Variants in CCDC57 observed in about 807,000 individuals in gnomAD.
The protein encoded by CCDC57 is coiled-coil domain containing 57, also known as coiled-coil domain-containing protein 57.
Under a neutral mutation model 118.9 loss-of-function variants are expected in CCDC57, and 118 were observed. The ratio of observed to expected loss-of-function variants is 0.99; its 90% CI spans 0.86 to 1.16. The LOEUF (loss-of-function observed/expected upper bound fraction) is 1.16. Ranked by LOEUF, CCDC57 falls within the 50% of genes most tolerant of loss-of-function variation. The pLI is 0.00. For synonymous variants in CCDC57, 527 were observed against 532.9 expected (o/e 0.99, Z 0.15); for missense variants, 1,300 against 1,320.7 (o/e 0.98, Z 0.24).
At chr17:82,201,220 A>T (rs957651739) in intron 3 of CCDC57, among the ~76,000 whole-genome samples, 2 of 152,256 alleles carry the variant, frequency 1.3e-5, no homozygotes, top group Non-Finnish European at 2.9e-5. Context: ...AAATTCAAAT[A>T]TGTATTAATA....
chr17:82,126,420 C>T (rs1364695665), intron 19 of CCDC57: 2 of 983,246 alleles, frequency 2.0e-6, no homozygotes, highest in Non-Finnish European at 2.4e-6. Context: ...AAATTGTTGT[C>T]ACCGAAAAGG....
At chr17:82,113,769 C>A in intron 19 of CCDC57, 5 of 660,884 alleles carry the variant, frequency 7.6e-6, no homozygotes, top group Admixed American at 2.4e-5. Flanking sequence ...CCCATTTCTA[C>A]AAAAAAATAA....
intron 9 of CCDC57, among the ~76,000 whole-genome samples, chr17:82,182,168 T>A (rs1263656345): frequency 6.6e-6 from 1 of 152,080 alleles, no homozygotes; most frequent in East Asian, 1.9e-4. Context: ...GTTTTTTTTC[T>A]TCTGCATTAG....
In CCDC57 at chr17:82,172,734, G is replaced by A. The variant is rs1164009694; in HGVS notation, c.1633C>T (p.Leu545=). 1.9e-6 allele frequency: 3 copies of A among 1,601,864 alleles called. No homozygotes were observed. Among genetic ancestry groups the A allele is most frequent in the African/African-American group, 1.3e-5 (1 of 74,788 alleles). The change falls in exon 12 of 20, where the codon CTA becomes TTA. Residue 545 remains leucine, a synonymous_variant. Coordinates refer to ENST00000665763, the Ensembl canonical transcript of CCDC57. This position sits in a 1 kb window ranked among gnomAD's most constrained non-coding sequence, Gnocchi z 5.2. ...ATGGGAGGAGGAATCTGATGGCTTAGAGCCTCCATTTCTTTCCTCATCTGG... is the reference window on the plus strand; with the variant it reads ...ATGGGAGGAGGAATCTGATGGCTTAAAGCCTCCATTTCTTTCCTCATCTGG...
At chr17:82,180,245 A>C (rs2046037457) in intron 9 of CCDC57, among the ~76,000 whole-genome samples, 1 of 152,148 alleles carries the variant, frequency 6.6e-6, no homozygotes, top group Non-Finnish European at 1.5e-5. Context: ...CCACAGCTGG[A>C]GGGACTGAAT....
At chr17:82,140,942 T>A (rs1358048834) in intron 16 of CCDC57, among the ~76,000 whole-genome samples, 1 of 152,164 alleles carries the variant, frequency 6.6e-6, no homozygotes, top group East Asian at 1.9e-4. Context: ...TTGGCTTGGT[T>A]TTCTAGCCTC....
In CCDC57 at chr17:82,201,607, A is replaced by G. The variant is rs780739960; in HGVS notation, c.338T>C (p.Val113Ala). 7 of 1,613,232 alleles carry G rather than the reference A, an allele frequency of 4.3e-6. No individual in the cohort carries two copies. In the Admixed American group the frequency reaches 8.3e-5, roughly 19 times the overall value. ...CTGCTGCTGCTGCTGCAGCTCCTCC[A>G]CCTTCCTGGCCTCTCTGGCTAGCGC... Residue 113 changes from valine (V) to alanine (A), a missense_variant, in exon 3 of 20, where the codon GTG becomes GCG. Val to Ala is a moderately conservative substitution (Grantham distance 64, BLOSUM62 0). Coordinates refer to ENST00000665763, the Ensembl canonical transcript of CCDC57.
At chr17:82,183,708 T>C in intron 9 of CCDC57, 66 bp downstream of exon 8, 1 of 1,455,298 alleles carries the variant, frequency 6.9e-7, no homozygotes, top group Non-Finnish European at 9.3e-7. Context: ...TTTGAATCCT[T>C]AGTACCTACA....
chr17:82,143,363 AAG>A (rs530458519), intron 16 of CCDC57, among the ~76,000 whole-genome samples: 106 of 152,340 alleles, frequency 7.0e-4, no homozygotes, highest in African/African-American at 1.9e-3. Flanking sequence ...CAAGAACAAA[AAG>A]AGAAAAGATG....
At chr17:82,107,508 G>A (rs748433007) in intron 19 of CCDC57, 9 of 470,714 alleles carry the variant, frequency 1.9e-5, no homozygotes, top group African/African-American at 1.6e-4. Flanking sequence ...GCGGACCCCC[G>A]CCAGAAAGGA....
At chr17:82,141,309 G>C (rs1363986619) in intron 16 of CCDC57, among the ~76,000 whole-genome samples, 1 of 151,294 alleles carries the variant, frequency 6.6e-6, no homozygotes, top group Non-Finnish European at 1.5e-5. Flanking sequence ...TCAGCCTCCT[G>C]AGTAGCTGGG....
intron 16 of CCDC57, 117 bp from the exon 16 acceptor site, chr17:82,134,311 C>T (rs981901131): frequency 1.6e-5 from 17 of 1,049,944 alleles, no homozygotes; most frequent in East Asian, 3.3e-5. Context: ...AAAGTAACTT[C>T]CATTACATCG....
chr17:82,174,923 CTT>C (rs1299419063), intron 11 of CCDC57, among the ~76,000 whole-genome samples: 1 of 152,210 alleles, frequency 6.6e-6, no homozygotes, highest in African/African-American at 2.4e-5. Flanking sequence ...TTAGCCGTCT[CTT>C]TGGCTGCCGG....
At position 82,201,959 on chromosome 17, in the gene CCDC57, TAA is replaced by T. The variant is rs776520566; in HGVS notation, c.-8-9_-8-8del. On this transcript the variant is annotated splice_region_variant and splice_polypyrimidine_tract_variant and intron_variant, in intron 2 of 19. Coordinates refer to ENST00000665763, the Ensembl canonical transcript of CCDC57. Reference sequence around the variant, plus strand: ...AGTGGCAGCATGGTGGCCGCTGCAGTAAAGAGAAATCAGGTTCAGGGTGCACC... The same window carrying T: ...AGTGGCAGCATGGTGGCCGCTGCAGTAGAGAAATCAGGTTCAGGGTGCACC... The T allele has an allele frequency of 1.3e-6, 2 of 1,576,156 alleles. No homozygotes were observed. Among genetic ancestry groups the T allele is most frequent in the South Asian group, 2.3e-5 (2 of 88,196 alleles).
At chr17:82,195,212 G>A in intron 5 of CCDC57, 51 bp downstream of exon 4, 1 of 1,378,858 alleles carries the variant, frequency 7.3e-7, no homozygotes, top group Non-Finnish European at 1.0e-6. Context: ...CACCACACCT[G>A]ACCAAGGAAA....
chr17:82,199,434 C>T lies in CCDC57; in HGVS notation c.408-1012G>A, dbSNP rs377662784. ...CAGAGGTTGCAGTGATCCGAGATCG[C>T]GCCACTGCACTCCAGCCTGGGCGAC... On this transcript the variant is annotated intron_variant, in intron 3 of 19. Transcript: ENST00000665763. Among the ~76,000 whole-genome samples, 70 of 138,966 alleles carry T rather than the reference C, an allele frequency of 5.0e-4. 1 individual carries two copies. In the South Asian group the frequency reaches 0.015, roughly 30 times the overall value. 91.2% of individuals were successfully genotyped at this position (138,966 alleles called of 152,430 possible).
At chr17:82,177,283 G>T (rs1331593821) in intron 11 of CCDC57, among the ~76,000 whole-genome samples, 4 of 152,278 alleles carry the variant, frequency 2.6e-5, no homozygotes, top group Non-Finnish European at 5.9e-5. Flanking sequence ...GGCTGAGGCA[G>T]GAGAATCACT....
chr17:82,187,017 T>C (rs2047008175), intron 8 of CCDC57, among the ~76,000 whole-genome samples: 1 of 151,758 alleles, frequency 6.6e-6, no homozygotes, highest in South Asian at 2.1e-4. Context: ...GGCAGGGGGA[T>C]CACAAAGTCA....
At chr17:82,105,128 A>G (rs6416857) in intron 19 of CCDC57, 83,729 of 152,298 alleles carry the variant, frequency 0.55, 23,987 homozygotes, top group African/African-American at 0.64. Context: ...GGGAAGGGCC[A>G]GACGGTGAGC....
Sources: gnomAD v4.1 joint callset for allele counts (sites outside exome capture counted in the v4.1 genomes callset) on GRCh38, gnomAD v4.1.1 for gene constraint, Gnocchi (gnomAD v3.1) non-coding constraint, MANE v1.5 for transcripts, NCBI Gene and HGNC (gene_info 2026-07-23, HGNC 2026-07-21) for gene names.